PALLD: variants seen among roughly 807,000 people sequenced by gnomAD.
PALLD encodes palladin.
PALLD carries 61 observed loss-of-function variants against 123.5 expected under a neutral mutation model. That is an observed-to-expected ratio of 0.49 (90% CI 0.40 to 0.61). The LOEUF is 0.61. Ranked by LOEUF, PALLD falls within the 20% of genes least tolerant of loss-of-function variation. The probability of loss-of-function intolerance (pLI) is 0.00; values close to 1 mark genes in which losing one functional copy is unlikely to be tolerated. For missense variants in PALLD, 1,273 were observed against 1,377.0 expected, an observed-to-expected ratio of 0.92 and a Z score of 1.20; for synonymous variants, 465 against 496.4, an observed-to-expected ratio of 0.94 and a Z score of 0.84.
chr4:168,584,839 T>C (rs561789388), intron 2 of PALLD, among the ~76,000 whole-genome samples: 3 of 152,338 alleles, frequency 2.0e-5, no homozygotes, highest in African/African-American at 7.2e-5. Flanking sequence ...GTATATTTTC[T>C]TTCATTCATT....
In PALLD at chr4:168,668,368, G is replaced by A; in HGVS notation, c.1087G>A (p.Gly363Ser). The stretch of plus-strand genomic sequence containing the variant: ...AACATCTGCTGAGGTGTTCATTGAA[G>A]GTAAGGAGGGGTGCCTGGTAATGGG... ...DTTSAEVFIE[G>S]ASSTDSDSES... Residue 363 changes from glycine (G) to serine (S), a missense_variant and splice_region_variant, in exon 3 of 22, where the codon GGT becomes AGT. Around this residue, in one of 2 missense-constraint regions of PALLD, gnomAD observed 944 missense variants for 954.5 expected, o/e 0.99. Transcript: ENST00000505667. 1 of 1,595,368 alleles carries A rather than the reference G, an allele frequency of 6.3e-7. No individual in the cohort carries two copies. The highest frequency in any genetic ancestry group is 8.6e-7 in the Non-Finnish European group (1 of 1,168,368).
chr4:168,750,457 T>G (rs781293035), intron 10 of PALLD, among the ~76,000 whole-genome samples: 8 of 152,220 alleles, frequency 5.3e-5, no homozygotes, highest in Non-Finnish European at 1.2e-4. Flanking sequence ...ACAGGTTCTG[T>G]CTACACTGAA....
chr4:168,674,688 C>T (rs2150049220), intron 3 of PALLD, among the ~76,000 whole-genome samples: 1 of 152,294 alleles, frequency 6.6e-6, no homozygotes, highest in East Asian at 1.9e-4. Flanking sequence ...CTTGAGGAAT[C>T]TGAACAGGGT....
intron 10 of PALLD, among the ~76,000 whole-genome samples, chr4:168,887,482 G>A (rs977248117): frequency 6.6e-6 from 1 of 152,212 alleles, no homozygotes; most frequent in African/African-American, 2.4e-5. Flanking sequence ...TGAGAACACA[G>A]CTCTTAGTGT....
At chr4:168,649,787 T>G (rs751233312) in intron 2 of PALLD, among the ~76,000 whole-genome samples, 2 of 152,258 alleles carry the variant, frequency 1.3e-5, no homozygotes, top group Non-Finnish European at 2.9e-5. Flanking sequence ...AAAACGTATG[T>G]ATTTCTTTGC....
At chr4:168,665,032 T>C (rs1779498628) in intron 2 of PALLD, among the ~76,000 whole-genome samples, 1 of 152,330 alleles carries the variant, frequency 6.6e-6, no homozygotes, top group South Asian at 2.1e-4. Context: ...GAAGAGTGTA[T>C]TTTTAATGAT....
chr4:168,658,223 G>T (rs1473430968), intron 2 of PALLD, among the ~76,000 whole-genome samples: 1 of 151,170 alleles, frequency 6.6e-6, no homozygotes, highest in African/African-American at 2.4e-5. Context: ...CAGATATTTA[G>T]TAGATTTCAC....
chr4:168,804,508 A>G (rs1040230970), intron 10 of PALLD, among the ~76,000 whole-genome samples: 6 of 152,222 alleles, frequency 3.9e-5, no homozygotes, highest in Non-Finnish European at 5.9e-5. Flanking sequence ...CTCTGCCAGT[A>G]TGTGATGTTT....
At chr4:168,887,133 GAA>G in intron 10 of PALLD, among the ~76,000 whole-genome samples, 1 of 121,232 alleles carries the variant, frequency 8.2e-6, no homozygotes, top group African/African-American at 3.3e-5. Flanking sequence ...AAAAAAAAAA[GAA>G]AAAGAAAAAG....
intron 2 of PALLD, among the ~76,000 whole-genome samples, chr4:168,554,086 T>C (rs1767024990): frequency 6.6e-6 from 1 of 152,154 alleles, no homozygotes; most frequent in South Asian, 2.1e-4. Flanking sequence ...GAACTATCAC[T>C]AAGCCCTGGT....
At chr4:168,503,960 C>G (rs1478936045) in intron 1 of PALLD, among the ~76,000 whole-genome samples, 1 of 152,186 alleles carries the variant, frequency 6.6e-6, no homozygotes, top group East Asian at 1.9e-4. Context: ...CCTATGATCT[C>G]TCTTACCATT....
chr4:168,541,405 C>G (rs1765594123), intron 2 of PALLD, among the ~76,000 whole-genome samples: 1 of 152,032 alleles, frequency 6.6e-6, no homozygotes, highest in Non-Finnish European at 1.5e-5. Context: ...CTAAAACTAA[C>G]TGGGAATTGG....
At chr4:168,715,767 A>G (rs774399472) in intron 10 of PALLD, among the ~76,000 whole-genome samples, 3 of 152,108 alleles carry the variant, frequency 2.0e-5, no homozygotes, top group Non-Finnish European at 2.9e-5. Flanking sequence ...TGGCTAACAC[A>G]GTGAAACCCC....
chr4:168,577,613 G>A lies in PALLD; in HGVS notation c.908+65201G>A, dbSNP rs143843701. On this transcript the variant is annotated intron_variant, in intron 2 of 21. Coordinates refer to ENST00000505667, the MANE Select transcript of PALLD (RefSeq NM_001166108.2). Reference sequence around the variant, plus strand: ...TCTAAGAGATTGTTTGTTATGCTGGGGCAGGAGTCAAGAGTAGAGAGGCAA... The same window carrying A: ...TCTAAGAGATTGTTTGTTATGCTGGAGCAGGAGTCAAGAGTAGAGAGGCAA... Among the ~76,000 whole-genome samples the A allele has an allele frequency of 2.1e-3, 325 of 152,106 alleles. 2 individuals carry two copies. The highest frequency in any genetic ancestry group is 6.8e-3 in the African/African-American group (281 of 41,500).
chr4:168,860,461 G>T (rs1294349704), intron 10 of PALLD, among the ~76,000 whole-genome samples: 1 of 152,198 alleles, frequency 6.6e-6, no homozygotes, highest in African/African-American at 2.4e-5. Flanking sequence ...TACTCTTCTT[G>T]CTCACTCCAA....
At chr4:168,795,054 G>C (rs1738286703) in intron 10 of PALLD, among the ~76,000 whole-genome samples, 1 of 152,156 alleles carries the variant, frequency 6.6e-6, no homozygotes, top group African/African-American at 2.4e-5. Context: ...TGCGGTGGAA[G>C]GGACCGGGAG....
chr4:168,918,093 G>A (rs1760587645), intron 17 of PALLD, among the ~76,000 whole-genome samples: 1 of 151,978 alleles, frequency 6.6e-6, no homozygotes, highest in Admixed American at 6.6e-5. Context: ...CAGCTACTCA[G>A]GGGGCTGAGG....
intron 10 of PALLD, among the ~76,000 whole-genome samples, chr4:168,851,870 A>T (rs971682619): frequency 5.3e-5 from 8 of 152,184 alleles, no homozygotes; most frequent in Non-Finnish European, 1.0e-4. Flanking sequence ...GTCTCCTGGA[A>T]ATGTGCTGCG....
At chr4:168,546,323 A>T (rs994006617) in intron 2 of PALLD, among the ~76,000 whole-genome samples, 1 of 126,932 alleles carries the variant, frequency 7.9e-6, no homozygotes, top group Non-Finnish European at 1.6e-5. Flanking sequence ...ACCAAAAGAA[A>T]GTTTAAGAAC....
Sources: gnomAD v4.1 joint callset for allele counts (sites outside exome capture counted in the v4.1 genomes callset) on GRCh38, gnomAD v4.1.1 for gene constraint, gnomAD v4.1.1 regional missense constraint, MANE v1.5 for transcripts, NCBI Gene and HGNC (gene_info 2026-07-23, HGNC 2026-07-21) for gene names.